The following RANBP2 variants were observed in gnomAD, a reference collection of about 807,000 sequenced individuals.
The protein encoded by RANBP2 is RAN binding protein 2, also known as E3 SUMO-protein ligase RanBP2.
A neutral mutation model predicts 303.6 loss-of-function variants in RANBP2; 57 were observed. That is an observed-to-expected ratio of 0.19 (90% CI 0.15 to 0.23). The LOEUF (loss-of-function observed/expected upper bound fraction) is 0.23. Ranked by LOEUF, RANBP2 falls within the 10% of genes least tolerant of loss-of-function variation. The probability of loss-of-function intolerance (pLI) is 1.00; values close to 1 mark genes in which losing one functional copy is unlikely to be tolerated. For synonymous variants in RANBP2, 1,167 were observed against 1,301.5 expected (o/e 0.90, Z 2.23); for missense variants, 3,138 against 3,780.8 (o/e 0.83, Z 4.46).
At chr2:108,726,324 A>G (rs2149084492) in intron 1 of RANBP2, among the ~76,000 whole-genome samples, 1 of 152,286 alleles carries the variant, frequency 6.6e-6, no homozygotes, top group East Asian at 1.9e-4. Flanking sequence ...GTGTTCAAGT[A>G]ACCTTTATTT....
the RANBP2 span, chr2:108,940,078 C>T: frequency 2.0e-5 from 3 of 152,264 alleles, no homozygotes; most frequent in Non-Finnish European, 2.9e-5. Context: ...TTGACTGAGA[C>T]GATAGCCTCT....
chr2:109,408,181 C>T, the RANBP2 span, among the ~76,000 whole-genome samples: 1 of 152,266 alleles, frequency 6.6e-6, no homozygotes. Flanking sequence ...TGAATGCCCA[C>T]CGGTAGGCCC....
At chr2:109,646,958 T>C in the RANBP2 span, among the ~76,000 whole-genome samples, 1 of 152,176 alleles carries the variant, frequency 6.6e-6, no homozygotes, top group Non-Finnish European at 1.5e-5. Flanking sequence ...TTTCAAATTT[T>C]CAGTATTTTT....
At chr2:108,867,829 C>T in the RANBP2 span, among the ~76,000 whole-genome samples, 1 of 152,180 alleles carries the variant, frequency 6.6e-6, no homozygotes, top group East Asian at 1.9e-4. Context: ...GTCATCAGAA[C>T]TGGAATAAAA....
At chr2:108,807,991 A>T in the RANBP2 span, among the ~76,000 whole-genome samples, 1 of 152,150 alleles carries the variant, frequency 6.6e-6, no homozygotes, top group East Asian at 1.9e-4. Flanking sequence ...ACCTCTAGTA[A>T]CCAATATTAT....
At chr2:109,320,007 G>A in the RANBP2 span, among the ~76,000 whole-genome samples, 1 of 152,302 alleles carries the variant, frequency 6.6e-6, no homozygotes, top group South Asian at 2.1e-4. Context: ...CTATTCTGGA[G>A]GTTCCCAGCT....
At chr2:109,436,484 G>T in the RANBP2 span, among the ~76,000 whole-genome samples, 1 of 152,222 alleles carries the variant, frequency 6.6e-6, no homozygotes, top group Non-Finnish European at 1.5e-5. Context: ...CCCAGAGGGG[G>T]CCCGCGTCCT....
chr2:109,357,306 C>A, the RANBP2 span, among the ~76,000 whole-genome samples: 1 of 152,126 alleles, frequency 6.6e-6, no homozygotes, highest in South Asian at 2.1e-4. Context: ...CTCAGCCTCC[C>A]GAGTAGCTGG....
chr2:109,614,119 A>T, the RANBP2 span: 4 of 1,206,952 alleles, frequency 3.3e-6, no homozygotes, highest in Admixed American at 1.8e-4. Context: ...GGCGGGCTGA[A>T]GGAGAGCTGG....
At chr2:109,637,123 A>G in the RANBP2 span, among the ~76,000 whole-genome samples, 1 of 152,176 alleles carries the variant, frequency 6.6e-6, no homozygotes, top group Non-Finnish European at 1.5e-5. Context: ...TCTATGTCAT[A>G]ATTAAGTTCA....
chr2:109,562,811 C>T, the RANBP2 span, among the ~76,000 whole-genome samples: 1 of 152,068 alleles, frequency 6.6e-6, no homozygotes, highest in Non-Finnish European at 1.5e-5. Context: ...TTAGTGAAGA[C>T]AATATCATGA....
the RANBP2 span, among the ~76,000 whole-genome samples, chr2:109,090,933 C>A: frequency 1.3e-5 from 2 of 152,100 alleles, no homozygotes; most frequent in Non-Finnish European, 2.9e-5. Flanking sequence ...ATGTTCCTTC[C>A]TCCATGCCAC....
At chr2:109,385,326 G>A in the RANBP2 span, among the ~76,000 whole-genome samples, 2 of 152,218 alleles carry the variant, frequency 1.3e-5, no homozygotes, top group African/African-American at 2.4e-5. Flanking sequence ...TAACTTAATT[G>A]TAGTTTGGGG....
At chr2:108,733,070 T>C (rs1470643538) in intron 4 of RANBP2, among the ~76,000 whole-genome samples, 6 of 152,222 alleles carry the variant, frequency 3.9e-5, no homozygotes, top group Admixed American at 6.5e-5. Context: ...GTGATCTGCC[T>C]GCCCCAGCCT....
the RANBP2 span, among the ~76,000 whole-genome samples, chr2:109,356,444 G>A: frequency 6.6e-6 from 1 of 152,214 alleles, no homozygotes; most frequent in Non-Finnish European, 1.5e-5. Context: ...TAATCTCACA[G>A]TAGCACGACA....
the RANBP2 span, among the ~76,000 whole-genome samples, chr2:109,145,672 T>C: frequency 1.3e-5 from 2 of 152,218 alleles, no homozygotes; most frequent in African/African-American, 4.8e-5. Flanking sequence ...TTCTAGAATT[T>C]ATCTTCTGGT....
the RANBP2 span, among the ~76,000 whole-genome samples, chr2:109,496,124 G>C: frequency 6.6e-6 from 1 of 152,198 alleles, no homozygotes; most frequent in Non-Finnish European, 1.5e-5. Flanking sequence ...TGTCCTATCA[G>C]AACGCCCTTT....
At chr2:109,071,040 G>A in the RANBP2 span, among the ~76,000 whole-genome samples, 1 of 152,048 alleles carries the variant, frequency 6.6e-6, no homozygotes, top group Admixed American at 6.6e-5. Context: ...CCATATTTAG[G>A]TATTTATTTA....
chr2:108,934,899 C>T, the RANBP2 span, among the ~76,000 whole-genome samples: 12 of 152,284 alleles, frequency 7.9e-5, no homozygotes, highest in African/African-American at 2.6e-4. Context: ...TCTCTTCCCA[C>T]CTGAGGCAGA....
Sources: gnomAD v4.1 joint callset for allele counts (sites outside exome capture counted in the v4.1 genomes callset) on GRCh38, gnomAD v4.1.1 for gene constraint, MANE v1.5 for transcripts, NCBI Gene and HGNC (gene_info 2026-07-23, HGNC 2026-07-21) for gene names.